The following MMAB variants were observed in gnomAD, a reference collection of about 807,000 sequenced individuals.
The protein encoded by MMAB is corrinoid adenosyltransferase MMAB.
MMAB carries 17 observed loss-of-function variants against 30.6 expected under a neutral mutation model. The ratio of observed to expected loss-of-function variants is 0.56; its 90% confidence interval spans 0.38 to 0.83. The LOEUF (loss-of-function observed/expected upper bound fraction) is 0.83. MMAB is among the 40% of genes least tolerant of loss of function. The pLI, the probability that MMAB is intolerant of heterozygous loss-of-function variation, is 0.00. For missense variants in MMAB, 311 were observed against 331.6 expected, an observed-to-expected ratio of 0.94 and a Z score of 0.48; for synonymous variants, 134 against 138.6, an observed-to-expected ratio of 0.97 and a Z score of 0.23.
Position 109,556,586 on chromosome 12 carries a change from A to G in MMAB, c.*442T>C, listed in dbSNP as rs1381047645. The G allele has an allele frequency of 2.2e-6, 1 of 454,198 alleles. No homozygotes were observed. Among genetic ancestry groups the G allele is most frequent in the Non-Finnish European group, 4.4e-6 (1 of 227,426 alleles). 28.1% of individuals were successfully genotyped at this position (454,198 alleles called of 1,614,324 possible). On this transcript the variant is annotated 3_prime_UTR_variant, in exon 9 of 9. Coordinates refer to ENST00000545712, the MANE Select transcript of MMAB (RefSeq NM_052845.4). ...CAGGTAAATCACAATTACATTTTCA[A>G]GGGCCTCTGGTCCCATTCCAAATCT... is the stretch of plus-strand genomic sequence containing the variant.
At chr12:109,567,028 G>A (rs1403859084) in intron 3 of MMAB, 1 of 455,986 alleles carries the variant, frequency 2.2e-6, no homozygotes, top group Non-Finnish European at 4.4e-6. Flanking sequence ...GGCCCGCCAT[G>A]GAGAAATGGT....
intron 4 of MMAB, among the ~76,000 whole-genome samples, chr12:109,563,273 T>A (rs988814551): frequency 1.3e-5 from 2 of 152,246 alleles, no homozygotes; most frequent in African/African-American, 4.8e-5. Context: ...TACTGATGCC[T>A]GGCTGTGGGG....
At position 109,555,274 on chromosome 12, in the gene MMAB, G is replaced by GTTTTTTT; in HGVS notation, c.*1753_*1754insAAAAAAA. On this transcript the variant is annotated 3_prime_UTR_variant, in exon 9 of 9. Transcript: ENST00000545712. ...CGAGCCTTAGTGATTGCGTTTTCAG[G>GTTTTTTT]GTTTTTTTTTTTTTTTTTTTTTTTT... 5.9e-6 allele frequency: 2 copies of GTTTTTTT among 338,530 alleles called. No homozygotes were observed. Among genetic ancestry groups the GTTTTTTT allele is most frequent in the Admixed American group, 7.3e-5 (2 of 27,298 alleles). The allele number at this position is 338,530 out of a possible 1,614,324, so 21.0% of individuals were successfully genotyped here.
At chr12:109,563,057 C>A (rs1343646489) in intron 4 of MMAB, among the ~76,000 whole-genome samples, 1 of 152,234 alleles carries the variant, frequency 6.6e-6, no homozygotes, top group Non-Finnish European at 1.5e-5. Flanking sequence ...TGTGTGAGAG[C>A]AGAGGCTGCC....
chr12:109,566,787 G>T (rs1884443114), intron 3 of MMAB, among the ~76,000 whole-genome samples: 1 of 152,234 alleles, frequency 6.6e-6, no homozygotes, highest in Admixed American at 6.5e-5. Context: ...CACAACTGAG[G>T]TTTCTCCAAC....
chr12:109,555,050 CA>C lies in MMAB; in HGVS notation c.*1977del, dbSNP rs1313104744. The C allele has an allele frequency of 2.2e-6, 1 of 453,950 alleles. No homozygotes were observed. Among genetic ancestry groups the C allele is most frequent in the Non-Finnish European group, 4.4e-6 (1 of 226,790 alleles). The allele number at this position is 453,950 out of a possible 1,614,324, so 28.1% of individuals were successfully genotyped here. On this transcript the variant is annotated 3_prime_UTR_variant, in exon 9 of 9. Transcript: ENST00000545712. ...TGGCAACAGGTGAACGGCCTTGTTT[CA>C]AAGATTGTCACTTTAGGATGTTGTA...
intron 8 of MMAB, 61 bp downstream of exon 8, chr12:109,559,035 G>A: frequency 7.6e-7 from 1 of 1,317,446 alleles, no homozygotes; most frequent in Non-Finnish European, 1.1e-6. Context: ...CTGCACCGCT[G>A]CTACTTCCCA....
At position 109,555,332 on chromosome 12, in the gene MMAB, G is replaced by C. The variant is rs1191831768; in HGVS notation, c.*1696C>G. 3.3e-5 allele frequency: 14 copies of C among 426,342 alleles called. 1 individual carries two copies. Among genetic ancestry groups the C allele is most frequent in the Non-Finnish European group, 5.0e-5 (11 of 221,196 alleles). The allele number at this position is 426,342 out of a possible 1,614,324, so 26.4% of individuals were successfully genotyped here. On this transcript the variant is annotated 3_prime_UTR_variant, in exon 9 of 9. Transcript: ENST00000545712. ...GAGTCTCACTCTATCAGCCAGGCTG[G>C]AGTGTCGTGTCACGATCTTGGCTCA...
In MMAB at chr12:109,558,861, C is replaced by T. The variant is rs897315873; in HGVS notation, c.644+235G>A. ...CTTCCTGGTTTTTACAGCAGCCTCT[C>T]CCAATAAGATCTAAATCTTATCGGG... On this transcript the variant is annotated intron_variant, in intron 8 of 8. Transcript: ENST00000545712. The surrounding 1 kb of genome is among the most constrained non-coding windows in gnomAD (Gnocchi z 4.3). Among the ~76,000 whole-genome samples the T allele has an allele frequency of 6.6e-6, 1 of 152,098 alleles. No individual in the cohort carries two copies. The highest frequency in any genetic ancestry group is 1.5e-5 in the Non-Finnish European group (1 of 68,022).
rs1230859714 is a variant in MMAB, at chr12:109,556,329, A to G, written c.*699T>C. The G allele has an allele frequency of 4.4e-6, 2 of 453,444 alleles. No homozygotes were observed. Among genetic ancestry groups the G allele is most frequent in the Non-Finnish European group, 8.8e-6 (2 of 226,362 alleles). 28.1% of individuals were successfully genotyped at this position (453,444 alleles called of 1,614,324 possible). A position where few individuals can be genotyped will look rare whatever the true frequency, so the allele number is the denominator to read the frequency against. On this transcript the variant is annotated 3_prime_UTR_variant, in exon 9 of 9. Transcript: ENST00000545712. ...ACCAGACAGGGAATGTTCACCTTCA[A>G]GTGGTAGTGTTGTTCTCATCAGCAT...
chr12:109,559,252 C>A (rs1018446225), intron 7 of MMAB, 97 bp from the exon 8 acceptor site: 1 of 913,610 alleles, frequency 1.1e-6, no homozygotes. Context: ...ATCCTGCCAC[C>A]GCTCAACCTG....
chr12:109,556,493 G>C lies in MMAB; in HGVS notation c.*535C>G, dbSNP rs966616953. ...CTTTGGCGGTGATGGGTGGCTCAGA[G>C]GTGACTAAACTTCCAAATCTTGTCC... is the stretch of plus-strand genomic sequence containing the variant. On this transcript the variant is annotated 3_prime_UTR_variant, in exon 9 of 9. Transcript: ENST00000545712. 18 of 453,914 alleles carry C rather than the reference G, an allele frequency of 4.0e-5. No homozygotes were observed. Among genetic ancestry groups the C allele is most frequent in the Middle Eastern group, 6.8e-4 (1 of 1,466 alleles). The allele number at this position is 453,914 out of a possible 1,614,324, so 28.1% of individuals were successfully genotyped here.
rs1181101208 is a variant in MMAB, at chr12:109,554,612, G to A, written c.*2416C>T. ...TGATTGTTTCTGAGAGTTGCCAGTG[G>A]TGTGCAAACACTGGGGCAGCGGGGG... On this transcript the variant is annotated 3_prime_UTR_variant, in exon 9 of 9. Transcript: ENST00000545712. 1 of 454,130 alleles carries A rather than the reference G, an allele frequency of 2.2e-6. No homozygotes were observed. The allele number at this position is 454,130 out of a possible 1,614,324, so 28.1% of individuals were successfully genotyped here.
chr12:109,562,390 G>C (rs1408140747), intron 4 of MMAB, among the ~76,000 whole-genome samples: 3 of 152,204 alleles, frequency 2.0e-5, no homozygotes, highest in Admixed American at 1.3e-4. Context: ...ACCTTGAACT[G>C]GCTGACATTT....
At chr12:109,559,878 G>A (rs960429087) in intron 7 of MMAB, among the ~76,000 whole-genome samples, 2 of 152,230 alleles carry the variant, frequency 1.3e-5, no homozygotes, top group African/African-American at 2.4e-5. Context: ...GCTCCAGGCT[G>A]TCTCTAGTGG....
intron 3 of MMAB, among the ~76,000 whole-genome samples, chr12:109,565,752 T>C (rs888085078): frequency 6.6e-6 from 1 of 152,174 alleles, no homozygotes; most frequent in Non-Finnish European, 1.5e-5. Flanking sequence ...AGAAGCCTAA[T>C]CTGACCTTGG....
chr12:109,561,921 G>A lies in MMAB; in HGVS notation c.349-69C>T, dbSNP rs902546017. 7.0e-7 allele frequency: 1 copy of A among 1,419,252 alleles called. No homozygotes were observed. The highest frequency in any genetic ancestry group is 9.7e-7 in the Non-Finnish European group (1 of 1,025,934). The allele number at this position is 1,419,252 out of a possible 1,614,324, so 87.9% of individuals were successfully genotyped here. On this transcript the variant is annotated intron_variant, in intron 4 of 8. Transcript: ENST00000545712. The surrounding 1 kb of genome is among the most constrained non-coding windows in gnomAD (Gnocchi z 5.3). Reference sequence around the variant, plus strand: ...GGCTGGACAGAGACAATGTGCAGAGGCGCCACCTAATACGCCGGCAAAGCC... The same window carrying A: ...GGCTGGACAGAGACAATGTGCAGAGACGCCACCTAATACGCCGGCAAAGCC...
chr12:109,561,766 A>T lies in MMAB; in HGVS notation c.421+14T>A, dbSNP rs760915792. 12 of 1,601,552 alleles carry T rather than the reference A, an allele frequency of 7.5e-6. No individual in the cohort carries two copies. The highest frequency in any genetic ancestry group is 1.0e-5 in the Non-Finnish European group (12 of 1,173,226). Reference sequence around the variant, plus strand: ...CTAGGGCCCTCTGAACACCCACAGGAGTTTGAGAATTACTTAAGTGAGCCT... The same window carrying T: ...CTAGGGCCCTCTGAACACCCACAGGTGTTTGAGAATTACTTAAGTGAGCCT... On this transcript the variant is annotated intron_variant, in intron 5 of 8. Transcript: ENST00000545712. This position sits in a 1 kb window ranked among gnomAD's most constrained non-coding sequence, Gnocchi z 5.3.
chr12:109,569,004 G>A lies in MMAB; in HGVS notation c.197-141C>T, dbSNP rs1055669814. ...TCTGTCATCCAGGCTGGAGTACAGC[G>A]GCGTGATCTTGGCTCACTGCAGCCT... On this transcript the variant is annotated intron_variant, in intron 2 of 8. Coordinates refer to ENST00000545712, the MANE Select transcript of MMAB (RefSeq NM_052845.4). The surrounding 1 kb of genome is among the most constrained non-coding windows in gnomAD (Gnocchi z 4.1). 23 of 707,798 alleles carry A rather than the reference G, an allele frequency of 3.2e-5. No homozygotes were observed. The highest frequency in any genetic ancestry group is 1.4e-4 in the African/African-American group (8 of 55,598). The allele number at this position is 707,798 out of a possible 1,614,324, so 43.8% of individuals were successfully genotyped here.
Sources: gnomAD v4.1 joint callset for allele counts (sites outside exome capture counted in the v4.1 genomes callset) on GRCh38, gnomAD v4.1.1 for gene constraint, Gnocchi (gnomAD v3.1) non-coding constraint, MANE v1.5 for transcripts, NCBI Gene and HGNC (gene_info 2026-07-23, HGNC 2026-07-21) for gene names.